Variants in PRR16 observed in about 807,000 individuals in gnomAD.
PRR16 encodes protein Largen.
A neutral mutation model predicts 18.2 loss-of-function variants in PRR16; 6 were observed. The observed-to-expected ratio is 0.33, with a 90% confidence interval of 0.18 to 0.65. PRR16 has a LOEUF of 0.65. PRR16 is among the 30% of genes least tolerant of loss of function. The pLI is 0.74. For synonymous variants in PRR16, 151 were observed against 147.8 expected (o/e 1.02, Z -0.16); for missense variants, 412 against 376.6 (o/e 1.09, Z -0.78).
intron 1 of PRR16, among the ~76,000 whole-genome samples, chr5:120,502,749 C>A (rs561636114): frequency 6.6e-6 from 1 of 152,094 alleles, no homozygotes; most frequent in East Asian, 1.9e-4. Flanking sequence ...GGTTTCATAC[C>A]AGCAATTTCT....
At chr5:120,564,020 C>T (rs1438360270) in intron 1 of PRR16, among the ~76,000 whole-genome samples, 2 of 152,148 alleles carry the variant, frequency 1.3e-5, no homozygotes, top group Admixed American at 6.5e-5. Flanking sequence ...TCCCTTTTGG[C>T]CCAGGGTGTG....
the PRR16 span, among the ~76,000 whole-genome samples, chr5:120,725,799 A>G: frequency 1.3e-5 from 2 of 152,066 alleles, no homozygotes; most frequent in African/African-American, 2.4e-5. Flanking sequence ...AAAATAAAAT[A>G]CTGGGTAAAA....
intron 1 of PRR16, among the ~76,000 whole-genome samples, chr5:120,584,951 C>G (rs1277292474): frequency 2.0e-5 from 3 of 152,054 alleles, no homozygotes; most frequent in Admixed American, 2.0e-4. Context: ...GGGGCTGAAA[C>G]TCCTCTCCTC....
chr5:120,757,061 T>C, the PRR16 span, among the ~76,000 whole-genome samples: 14 of 152,262 alleles, frequency 9.2e-5, no homozygotes, highest in African/African-American at 1.7e-4. Flanking sequence ...ACCAGCACAA[T>C]TTATTGAACA....
chr5:120,707,389 T>C, the PRR16 span, among the ~76,000 whole-genome samples: 1 of 152,150 alleles, frequency 6.6e-6, no homozygotes, highest in Non-Finnish European at 1.5e-5. Context: ...CTGGCCCATA[T>C]AGGAGGGATT....
At chr5:120,737,774 A>G in the PRR16 span, among the ~76,000 whole-genome samples, 1 of 151,706 alleles carries the variant, frequency 6.6e-6, no homozygotes, top group Non-Finnish European at 1.5e-5. Flanking sequence ...GATATTTTAG[A>G]TTGCTGATTC....
At chr5:120,589,145 G>C (rs995490531) in intron 1 of PRR16, among the ~76,000 whole-genome samples, 1 of 152,000 alleles carries the variant, frequency 6.6e-6, no homozygotes, top group Non-Finnish European at 1.5e-5. Flanking sequence ...ATCCTAATAA[G>C]TAAATAAAAA....
chr5:120,626,126 C>T (rs1264067746), intron 1 of PRR16, among the ~76,000 whole-genome samples: 5 of 152,022 alleles, frequency 3.3e-5, no homozygotes, highest in Admixed American at 2.6e-4. Flanking sequence ...GCTCAGTAAG[C>T]GTTATAAACA....
Position 120,601,594 on chromosome 5 carries a change from T to G in PRR16, c.160-84360T>G, listed in dbSNP as rs1162351532. 1.1e-4 allele frequency among the ~76,000 whole-genome samples: 17 copies of G among 152,204 alleles called. No individual in the cohort carries two copies. The East Asian group carries it at 2.7e-3, about 24-fold the overall frequency. ...TTAAGTCCCACTTACTAATTTTTGT[T>G]TTTGTTGCAAATGTTTTTGGATTCT... is the stretch of plus-strand genomic sequence containing the variant. On this transcript the variant is annotated intron_variant, in intron 1 of 1. Transcript: ENST00000407149.
chr5:120,716,552 T>C, the PRR16 span, among the ~76,000 whole-genome samples: 1 of 152,178 alleles, frequency 6.6e-6, no homozygotes, highest in African/African-American at 2.4e-5. Flanking sequence ...GTGGCTGGCA[T>C]AGTTCCTGAA....
At chr5:120,648,624 A>G (rs1055746693) in intron 1 of PRR16, among the ~76,000 whole-genome samples, 1 of 152,180 alleles carries the variant, frequency 6.6e-6, no homozygotes, top group Non-Finnish European at 1.5e-5. Flanking sequence ...AACAACCAGG[A>G]CATTTCCCCA....
Position 120,551,175 on chromosome 5 carries a change from AT to A in PRR16, c.159+86533del, listed in dbSNP as rs1297386471. On this transcript the variant is annotated intron_variant, in intron 1 of 1. Coordinates refer to ENST00000407149, the MANE Select transcript of PRR16 (RefSeq NM_001300783.2). ...TGCACCCTTTGAACAACATGTCTTC[AT>A]TTCCCTGTCATCCTTGGAAATCTTC... Among the ~76,000 whole-genome samples, 5 of 152,054 alleles carry A rather than the reference AT, an allele frequency of 3.3e-5. No homozygotes were observed. The East Asian group carries it at 9.7e-4, about 30-fold the overall frequency.
the PRR16 span, among the ~76,000 whole-genome samples, chr5:120,760,592 C>A: frequency 6.6e-6 from 1 of 151,916 alleles, no homozygotes; most frequent in African/African-American, 2.4e-5. Context: ...TTAGCATTTA[C>A]CTCTAAAGCC....
chr5:120,523,617 T>C (rs1021465659), intron 1 of PRR16, among the ~76,000 whole-genome samples: 6 of 152,172 alleles, frequency 3.9e-5, no homozygotes, highest in Admixed American at 3.9e-4. Context: ...TCAAGTTGAA[T>C]TTTTTCTTCA....
the PRR16 span, among the ~76,000 whole-genome samples, chr5:120,757,194 C>T: frequency 6.6e-6 from 1 of 151,940 alleles, no homozygotes; most frequent in African/African-American, 2.4e-5. Flanking sequence ...TTTTGTACCA[C>T]TACCATGATG....
chr5:120,793,443 G>A, the PRR16 span, among the ~76,000 whole-genome samples: 160 of 152,260 alleles, frequency 1.1e-3, 1 homozygote, highest in Admixed American at 2.7e-3. Flanking sequence ...GATCTGAAGG[G>A]TGACTAGTGG....
the PRR16 span, among the ~76,000 whole-genome samples, chr5:120,715,287 C>T: frequency 0.96 from 146,616 of 152,232 alleles, 70,776 homozygotes; most frequent in East Asian, 1. Flanking sequence ...AAATTAATTA[C>T]TGGACTTTAT....
chr5:120,469,050 A>T (rs573130541), intron 1 of PRR16, among the ~76,000 whole-genome samples: 2 of 152,340 alleles, frequency 1.3e-5, no homozygotes, highest in African/African-American at 4.8e-5. Flanking sequence ...AGCACCCATA[A>T]TTTGTCTTAC....
the PRR16 span, among the ~76,000 whole-genome samples, chr5:120,754,285 T>TATATAATATATAATATATAA: frequency 3.1e-5 from 2 of 65,346 alleles, no homozygotes; most frequent in Non-Finnish European, 2.5e-5. Context: ...AATATATAAA[T>TATATAATATATAATATATAA]ATATAATATA....
Sources: gnomAD v4.1 joint callset for allele counts (sites outside exome capture counted in the v4.1 genomes callset) on GRCh38, gnomAD v4.1.1 for gene constraint, MANE v1.5 for transcripts, NCBI Gene and HGNC (gene_info 2026-07-23, HGNC 2026-07-21) for gene names.